Variants in ATXN1 observed in about 807,000 individuals in gnomAD.
ATXN1 encodes the protein ataxin-1.
In ATXN1, 8 loss-of-function variants were observed where a neutral mutation model predicts 56.4. The ratio of observed to expected loss-of-function variants is 0.14; its 90% confidence interval spans 0.08 to 0.26. The LOEUF is 0.26. Ranked by LOEUF, ATXN1 falls within the 10% of genes least tolerant of loss-of-function variation. The pLI is 1.00. For synonymous variants in ATXN1, 514 were observed against 494.6 expected (o/e 1.04, Z -0.52); for missense variants, 987 against 1,106.5 (o/e 0.89, Z 1.53).
Position 16,466,752 on chromosome 6 carries a change from C to T in ATXN1, c.-161+19220G>A, listed in dbSNP as rs529356898. 4.6e-5 allele frequency among the ~76,000 whole-genome samples: 7 copies of T among 152,216 alleles called. No individual in the cohort carries two copies. In the East Asian group the frequency reaches 7.7e-4, roughly 17 times the overall value. ...GGAAGAAAACACACTCAAATGCTAA[C>T]GGTGGTGAACATCTATGGGCAGGTA... On this transcript the variant is annotated intron_variant, in intron 6 of 7. Coordinates refer to ENST00000436367, the MANE Select transcript of ATXN1 (RefSeq NM_001128164.2).
intron 3 of ATXN1, among the ~76,000 whole-genome samples, chr6:16,603,096 C>T (rs903083031): frequency 6.6e-6 from 1 of 152,136 alleles, no homozygotes. Context: ...TGGGATTGAC[C>T]CAGCCACCTC....
chr6:16,422,327 G>A (rs1230247302), intron 6 of ATXN1, among the ~76,000 whole-genome samples: 1 of 152,158 alleles, frequency 6.6e-6, no homozygotes, highest in Non-Finnish European at 1.5e-5. Flanking sequence ...CACAGTAAGC[G>A]CACTTTCTCT....
intron 6 of ATXN1, among the ~76,000 whole-genome samples, chr6:16,420,453 A>ATAT (rs1214999156): frequency 1.3e-5 from 2 of 152,212 alleles, no homozygotes; most frequent in African/African-American, 2.4e-5. Context: ...CTATTAGACA[A>ATAT]TATAGAGTAT....
intron 4 of ATXN1, among the ~76,000 whole-genome samples, chr6:16,566,582 G>T (rs186545020): frequency 1.3e-5 from 2 of 152,032 alleles, no homozygotes; most frequent in East Asian, 3.9e-4. Context: ...GGCTGGGCGC[G>T]GTGGCTCACG....
intron 4 of ATXN1, among the ~76,000 whole-genome samples, chr6:16,571,643 C>T (rs1031224789): frequency 4.0e-5 from 6 of 151,840 alleles, no homozygotes; most frequent in Non-Finnish European, 7.4e-5. Context: ...AGACTCACAA[C>T]ATTACACTCA....
chr6:16,597,698 C>T (rs1581871933), intron 3 of ATXN1, among the ~76,000 whole-genome samples: 1 of 150,128 alleles, frequency 6.7e-6, no homozygotes, highest in Admixed American at 6.6e-5. Context: ...CCTCGGCCTC[C>T]CAAGGTGCTG....
chr6:16,562,580 A>T (rs1364981219), intron 4 of ATXN1, among the ~76,000 whole-genome samples: 2 of 152,044 alleles, frequency 1.3e-5, no homozygotes, highest in African/African-American at 4.8e-5. Flanking sequence ...CACCGTAGGA[A>T]ATACAGCCCA....
chr6:16,398,855 A>G (rs1758507890), intron 6 of ATXN1, among the ~76,000 whole-genome samples: 1 of 152,230 alleles, frequency 6.6e-6, no homozygotes, highest in Admixed American at 6.5e-5. Context: ...AACATGATGT[A>G]CATTTTTGCT....
intron 3 of ATXN1, among the ~76,000 whole-genome samples, chr6:16,599,785 A>G (rs1041347933): frequency 6.6e-5 from 10 of 152,196 alleles, no homozygotes; most frequent in African/African-American, 2.4e-4. Context: ...AGTAACAGCT[A>G]TCACACCTAA....
chr6:16,751,334 T>G (rs975791617), intron 2 of ATXN1, among the ~76,000 whole-genome samples: 13 of 152,216 alleles, frequency 8.5e-5, no homozygotes, highest in Admixed American at 6.5e-4. Context: ...CATGTAACTT[T>G]AGGTTACATT....
At chr6:16,515,679 T>C (rs552472045) in intron 5 of ATXN1, among the ~76,000 whole-genome samples, 10 of 152,184 alleles carry the variant, frequency 6.6e-5, no homozygotes, top group Non-Finnish European at 1.2e-4. Context: ...CCACTTACTT[T>C]ACATGTTAGA....
chr6:16,302,873 CCT>C lies in ATXN1; in HGVS notation c.*3454_*3455del, dbSNP rs1459692034. On this transcript the variant is annotated 3_prime_UTR_variant, in exon 8 of 8. Coordinates refer to ENST00000436367, the MANE Select transcript of ATXN1 (RefSeq NM_001128164.2). The stretch of plus-strand genomic sequence containing the variant: ...TGAACGGCACCGAAGAATTTCTACC[CCT>C]GTCATCGTTAATGTTTGCTACACAG... 6.6e-6 allele frequency: 1 copy of C among 152,648 alleles called. No homozygotes were observed. Among genetic ancestry groups the C allele is most frequent in the Non-Finnish European group, 1.5e-5 (1 of 68,054 alleles). The allele number at this position is 152,648 out of a possible 1,614,324, so 9.5% of individuals were successfully genotyped here. A position where few individuals can be genotyped will look rare whatever the true frequency, so the allele number is the denominator to read the frequency against.
chr6:16,751,189 A>T (rs1169077378), intron 2 of ATXN1, among the ~76,000 whole-genome samples: 11 of 151,980 alleles, frequency 7.2e-5, no homozygotes, highest in African/African-American at 2.7e-4. Context: ...GGCTGGTCTC[A>T]AACTCCTGAC....
rs551528447 is a variant in ATXN1 at position 16,742,909 on chromosome 6, C to G, written c.-615+10324G>C. Among the ~76,000 whole-genome samples the G allele has an allele frequency of 1.6e-4, 25 of 152,326 alleles. No individual in the cohort carries two copies. In the East Asian group the frequency reaches 4.6e-3, roughly 28 times the overall value. ...AACCTCACTTAGAACTTCAGAACTA[C>G]TCTCTTCCAGATAAAAGTATCTCCT... On this transcript the variant is annotated intron_variant, in intron 2 of 7. Coordinates refer to ENST00000436367, the MANE Select transcript of ATXN1 (RefSeq NM_001128164.2).
At chr6:16,588,284 C>T (rs1762664899) in intron 3 of ATXN1, among the ~76,000 whole-genome samples, 2 of 152,242 alleles carry the variant, frequency 1.3e-5, no homozygotes, top group South Asian at 2.1e-4. Flanking sequence ...CTGCCTAAGG[C>T]ATTGCAGTGG....
chr6:16,663,377 T>A (rs1426428184), intron 2 of ATXN1, among the ~76,000 whole-genome samples: 2 of 152,144 alleles, frequency 1.3e-5, no homozygotes, highest in African/African-American at 2.4e-5. Context: ...GACCAAAAAA[T>A]TTTTTAAAAA....
intron 4 of ATXN1, among the ~76,000 whole-genome samples, chr6:16,545,870 T>C (rs1309483557): frequency 2.0e-5 from 3 of 152,256 alleles, no homozygotes; most frequent in East Asian, 1.9e-4. Context: ...CTCTAATCTT[T>C]TGTACTCTTT....
intron 6 of ATXN1, among the ~76,000 whole-genome samples, chr6:16,464,593 T>C (rs1760064813): frequency 6.6e-6 from 1 of 152,078 alleles, no homozygotes; most frequent in African/African-American, 2.4e-5. Context: ...AGCGAGACCA[T>C]AAACCCACCG....
chr6:16,601,374 G>T (rs1464056086), intron 3 of ATXN1, among the ~76,000 whole-genome samples: 1 of 152,172 alleles, frequency 6.6e-6, no homozygotes, highest in Non-Finnish European at 1.5e-5. Flanking sequence ...AATTACTGGG[G>T]CTAGAATGTA....
Sources: allele counts gnomAD v4.1 joint callset (sites outside exome capture counted in the v4.1 genomes callset), GRCh38; gene constraint gnomAD v4.1.1; transcripts MANE v1.5; gene names NCBI Gene and HGNC (gene_info 2026-07-23, HGNC 2026-07-21).